Variants in FBXL17 observed in about 807,000 individuals in gnomAD.
The protein encoded by FBXL17 is F-box and leucine rich repeat protein 17.
FBXL17 carries 22 observed loss-of-function variants against 66.2 expected under a neutral mutation model. The observed-to-expected ratio is 0.33, with a 90% CI of 0.24 to 0.47. FBXL17 has a LOEUF of 0.47. FBXL17 is among the 20% of genes least tolerant of loss of function. FBXL17 has a pLI of 1.00. For missense variants in FBXL17, 878 were observed against 948.2 expected, an observed-to-expected ratio of 0.93 and a Z score of 0.97; for synonymous variants, 474 against 400.5, an observed-to-expected ratio of 1.18 and a Z score of -2.19.
At chr5:107,882,005 T>C (rs1298526257) in intron 7 of FBXL17, among the ~76,000 whole-genome samples, 1 of 152,192 alleles carries the variant, frequency 6.6e-6, no homozygotes, top group Non-Finnish European at 1.5e-5. Flanking sequence ...AAGTGGTGAA[T>C]GTGGCTCTTT....
intron 5 of FBXL17, among the ~76,000 whole-genome samples, chr5:108,202,616 T>G (rs970024590): frequency 2.0e-5 from 3 of 152,088 alleles, no homozygotes; most frequent in African/African-American, 7.2e-5. Flanking sequence ...TTTTCCTATA[T>G]AGTAACAGGT....
chr5:108,370,029 T>G (rs576910246), intron 1 of FBXL17, among the ~76,000 whole-genome samples: 2 of 152,140 alleles, frequency 1.3e-5, no homozygotes, highest in Non-Finnish European at 2.9e-5. Flanking sequence ...ACAGGGCACA[T>G]GTACACTCAC....
intron 6 of FBXL17, among the ~76,000 whole-genome samples, chr5:108,023,827 A>G (rs937173271): frequency 6.6e-6 from 1 of 152,182 alleles, no homozygotes; most frequent in African/African-American, 2.4e-5. Flanking sequence ...AGAGGCATTT[A>G]TAAACTGATA....
chr5:108,053,902 A>T (rs1333341860), intron 6 of FBXL17, among the ~76,000 whole-genome samples: 1 of 152,244 alleles, frequency 6.6e-6, no homozygotes, highest in South Asian at 2.1e-4. Context: ...AAAATGTGGT[A>T]CATATACACC....
chr5:107,946,920 A>AT (rs977634196), intron 7 of FBXL17, among the ~76,000 whole-genome samples: 10 of 151,490 alleles, frequency 6.6e-5, no homozygotes, highest in Admixed American at 1.3e-4. Context: ...CTGGAGGGTG[A>AT]TTTTTTTTTC....
chr5:108,224,520 T>G (rs1471391373), intron 4 of FBXL17, among the ~76,000 whole-genome samples: 1 of 141,784 alleles, frequency 7.1e-6, no homozygotes, highest in Non-Finnish European at 1.5e-5. Flanking sequence ...TATATATATG[T>G]ATATGTATAC....
chr5:108,122,635 C>T (rs286810), intron 6 of FBXL17, among the ~76,000 whole-genome samples: 99,478 of 151,978 alleles, frequency 0.65, 33,548 homozygotes, highest in East Asian at 0.92. Context: ...AAATGTAAAA[C>T]GAATGCCAAT....
chr5:108,250,789 T>C (rs1756315682), intron 4 of FBXL17, among the ~76,000 whole-genome samples: 1 of 152,140 alleles, frequency 6.6e-6, no homozygotes, highest in African/African-American at 2.4e-5. Flanking sequence ...AATGCTCATG[T>C]ATGGTATATG....
chr5:107,865,906 G>T (rs938438483), intron 8 of FBXL17, among the ~76,000 whole-genome samples: 2 of 152,136 alleles, frequency 1.3e-5, no homozygotes, highest in Non-Finnish European at 2.9e-5. Flanking sequence ...GTGCTTTGGT[G>T]CCATAGAGGA....
rs144867226 is a variant in FBXL17, at chr5:108,183,593, T to C, written c.1745+2524A>G. Among the ~76,000 whole-genome samples, 62 of 152,314 alleles carry C rather than the reference T, an allele frequency of 4.1e-4. No individual in the cohort carries two copies. In the East Asian group the frequency reaches 0.012, roughly 29 times the overall value. The stretch of plus-strand genomic sequence containing the variant: ...TTAAATGTTTCAATTTCAGTAACTT[T>C]AGGGGCACAAGTAGTTTTGGTTACA... On this transcript the variant is annotated intron_variant, in intron 6 of 8. Coordinates refer to ENST00000542267, the MANE Select transcript of FBXL17 (RefSeq NM_001163315.3).
intron 4 of FBXL17, among the ~76,000 whole-genome samples, chr5:108,271,867 C>T (rs1757282890): frequency 6.6e-6 from 1 of 152,100 alleles, no homozygotes; most frequent in Non-Finnish European, 1.5e-5. Flanking sequence ...GCAAATTAAC[C>T]TCTCTGTGCT....
At chr5:108,342,769 T>A (rs1746973204) in intron 4 of FBXL17, among the ~76,000 whole-genome samples, 1 of 152,200 alleles carries the variant, frequency 6.6e-6, no homozygotes, top group Admixed American at 6.5e-5. Flanking sequence ...ATTAATTATA[T>A]AAAACAGCAT....
rs190358750 is a variant in FBXL17 at position 108,138,965 on chromosome 5, T to C, written c.1745+47152A>G. On this transcript the variant is annotated intron_variant, in intron 6 of 8. Coordinates refer to ENST00000542267, the MANE Select transcript of FBXL17 (RefSeq NM_001163315.3). ...GAATTGCCTCAGATTTAGTAACTCATTGAGAATGAGCATTCATCTCCCTGC... is the reference window on the plus strand; with the variant it reads ...GAATTGCCTCAGATTTAGTAACTCACTGAGAATGAGCATTCATCTCCCTGC... Among the ~76,000 whole-genome samples, 147 of 152,314 alleles carry C rather than the reference T, an allele frequency of 9.7e-4. 1 individual carries two copies. Among genetic ancestry groups the C allele is most frequent in the Non-Finnish European group, 1.4e-3 (92 of 68,030 alleles).
At chr5:108,037,340 C>A (rs918903845) in intron 6 of FBXL17, among the ~76,000 whole-genome samples, 1 of 152,024 alleles carries the variant, frequency 6.6e-6, no homozygotes, top group Non-Finnish European at 1.5e-5. Flanking sequence ...ATGAAAATTT[C>A]CACTGTAAGA....
intron 7 of FBXL17, among the ~76,000 whole-genome samples, chr5:107,981,742 T>C (rs996925340): frequency 6.6e-5 from 10 of 152,210 alleles, no homozygotes; most frequent in Admixed American, 5.2e-4. Flanking sequence ...CTCCTTGATA[T>C]TCTTGCCAGC....
intron 7 of FBXL17, among the ~76,000 whole-genome samples, chr5:107,919,537 T>A (rs559591458): frequency 9.5e-4 from 145 of 152,278 alleles, no homozygotes; most frequent in African/African-American, 3.4e-3. Context: ...CTCCAGTGTC[T>A]TTTACCTCCA....
intron 6 of FBXL17, among the ~76,000 whole-genome samples, chr5:108,111,639 C>T: frequency 6.6e-6 from 1 of 152,144 alleles, no homozygotes. Context: ...TCTGATCTCT[C>T]AGGATAATCC....
intron 5 of FBXL17, among the ~76,000 whole-genome samples, chr5:108,213,369 G>A (rs143121977): frequency 2.1e-4 from 32 of 152,280 alleles, no homozygotes; most frequent in Admixed American, 6.5e-4. Flanking sequence ...CAGTTAGTTC[G>A]GTGTCTGCCC....
intron 4 of FBXL17, among the ~76,000 whole-genome samples, chr5:108,315,499 A>T (rs562928518): frequency 5.3e-5 from 8 of 151,594 alleles, no homozygotes; most frequent in African/African-American, 1.9e-4. Context: ...GTAACACATT[A>T]AAAATTACCC....
Sources: allele counts gnomAD v4.1 joint callset (sites outside exome capture counted in the v4.1 genomes callset), GRCh38; gene constraint gnomAD v4.1.1; transcripts MANE v1.5; gene names NCBI Gene and HGNC (gene_info 2026-07-23, HGNC 2026-07-21).